The following AUTS2 variants were observed in gnomAD, a reference collection of about 807,000 sequenced individuals.
AUTS2 encodes autism susceptibility gene 2 protein.
A neutral mutation model predicts 112.4 loss-of-function variants in AUTS2; 17 were observed. That is an observed-to-expected ratio of 0.15 (90% CI 0.10 to 0.23). The LOEUF is 0.23. Among genes scored for constraint, AUTS2 ranks in the 10% least tolerant of loss-of-function variants. The pLI is 1.00. For synonymous variants in AUTS2, 751 were observed against 702.7 expected (o/e 1.07, Z -1.09); for missense variants, 1,510 against 1,701.6 (o/e 0.89, Z 1.98).
At chr7:69,758,640 C>A (rs1297389522) in intron 1 of AUTS2, among the ~76,000 whole-genome samples, 5 of 152,188 alleles carry the variant, frequency 3.3e-5, no homozygotes, top group African/African-American at 1.2e-4. Context: ...TAGAAAAGCT[C>A]ATTGACACAT....
intron 2 of AUTS2, among the ~76,000 whole-genome samples, chr7:70,020,125 G>T (rs767466361): frequency 6.6e-6 from 1 of 152,164 alleles, no homozygotes; most frequent in African/African-American, 2.4e-5. Context: ...TAGGGACACG[G>T]TGCACACCTG....
intron 2 of AUTS2, among the ~76,000 whole-genome samples, chr7:70,001,868 G>A (rs141869855): frequency 0.013 from 2,050 of 151,886 alleles, 19 homozygotes; most frequent in Non-Finnish European, 0.023. Context: ...GCACCACCAC[G>A]CCTGGCTAAT....
chr7:70,196,149 A>G (rs1353338143), intron 4 of AUTS2, among the ~76,000 whole-genome samples: 3 of 152,104 alleles, frequency 2.0e-5, no homozygotes, highest in Non-Finnish European at 4.4e-5. Flanking sequence ...CTGTTTGGGG[A>G]AAAAGTATCA....
intron 1 of AUTS2, among the ~76,000 whole-genome samples, chr7:69,619,905 T>A (rs1453314285): frequency 6.6e-6 from 1 of 152,182 alleles, no homozygotes; most frequent in African/African-American, 2.4e-5. Flanking sequence ...GTAACTGTAA[T>A]CCTCCTTTAG....
At chr7:70,232,729 T>G (rs1297164523) in intron 4 of AUTS2, among the ~76,000 whole-genome samples, 2 of 152,186 alleles carry the variant, frequency 1.3e-5, no homozygotes, top group African/African-American at 4.8e-5. Context: ...TTTTTCCTTA[T>G]CTCTGTCATT....
intron 1 of AUTS2, among the ~76,000 whole-genome samples, chr7:69,709,618 G>A (rs531643565): frequency 6.6e-6 from 1 of 152,178 alleles, no homozygotes; most frequent in Non-Finnish European, 1.5e-5. Context: ...ACCCGTCTGA[G>A]TGCACACTTG....
rs1791852282 is a variant in AUTS2, at chr7:70,790,512, A to T, written c.3296A>T (p.Asp1099Val). ...PLGRDFLLRN[D>V]PLHRLSTPRL... ...GGCAGGGACTTCCTGCTAAGGAACG[A>T]CCCGCTCCACCGGCTCTCGACTCCC... Residue 1099 changes from aspartate to valine, a missense_variant, in exon 19 of 19, where the codon GAC becomes GTC. By Grantham distance (152) the Asp-to-Val change is radical. Coordinates refer to ENST00000342771, the MANE Select transcript of AUTS2 (RefSeq NM_015570.4). The surrounding 1 kb of genome is among the most constrained non-coding windows in gnomAD (Gnocchi z 7.6). 1.2e-6 allele frequency: 2 copies of T among 1,611,028 alleles called. No individual in the cohort carries two copies. The highest frequency in any genetic ancestry group is 8.5e-7 in the Non-Finnish European group (1 of 1,179,164).
chr7:69,916,470 C>T (rs1451326055), intron 2 of AUTS2, among the ~76,000 whole-genome samples: 1 of 152,142 alleles, frequency 6.6e-6, no homozygotes, highest in Non-Finnish European at 1.5e-5. Flanking sequence ...CCAGACCTTT[C>T]TTCTCAACTT....
intron 5 of AUTS2, among the ~76,000 whole-genome samples, chr7:70,697,568 C>CA (rs1038578703): frequency 7.0e-6 from 1 of 142,682 alleles, no homozygotes; most frequent in Non-Finnish European, 1.5e-5. Context: ...ATTCCCCCCC[C>CA]CCATTTCCTA....
intron 5 of AUTS2, among the ~76,000 whole-genome samples, chr7:70,526,277 C>G (rs1464276096): frequency 6.6e-6 from 1 of 152,184 alleles, no homozygotes; most frequent in Non-Finnish European, 1.5e-5. Context: ...TCACTGTTGC[C>G]TAAGACACCG....
chr7:70,209,448 C>T (rs1045975061), intron 4 of AUTS2, among the ~76,000 whole-genome samples: 5 of 152,052 alleles, frequency 3.3e-5, no homozygotes, highest in East Asian at 1.9e-4. Flanking sequence ...AAATGTCCAG[C>T]GTGGAGGTAT....
chr7:70,628,857 G>A (rs892225372), intron 5 of AUTS2, among the ~76,000 whole-genome samples: 13 of 152,234 alleles, frequency 8.5e-5, no homozygotes, highest in South Asian at 4.2e-4. Flanking sequence ...TTTCTGAACC[G>A]GGCAGCTGGG....
At chr7:70,745,862 C>T (rs1366212890) in intron 6 of AUTS2, among the ~76,000 whole-genome samples, 3 of 152,116 alleles carry the variant, frequency 2.0e-5, no homozygotes, top group African/African-American at 7.2e-5. Flanking sequence ...GTATGATGTC[C>T]AATTATGGAA....
At chr7:70,134,273 CAAAT>C (rs747281612) in intron 3 of AUTS2, among the ~76,000 whole-genome samples, 28 of 152,244 alleles carry the variant, frequency 1.8e-4, no homozygotes, top group Non-Finnish European at 3.7e-4. Context: ...AGCTGCCTGT[CAAAT>C]AAATTGGCAA....
intron 5 of AUTS2, 78 bp downstream of exon 5, chr7:70,435,859 G>T: frequency 6.8e-7 from 1 of 1,474,668 alleles, no homozygotes; most frequent in Non-Finnish European, 9.5e-7. Context: ...ACAGCTGCAG[G>T]GTAGGATGCC....
Position 70,631,758 on chromosome 7 carries a change from C to A in AUTS2, c.691-66811C>A, listed in dbSNP as rs1294428206. ...TGGGCCACAGCAAGGGGCTCAGCAGCAAAATATCCTTGAATCAATACTGCT... is the reference window on the plus strand; with the variant it reads ...TGGGCCACAGCAAGGGGCTCAGCAGAAAAATATCCTTGAATCAATACTGCT... On this transcript the variant is annotated intron_variant, in intron 5 of 18. Coordinates refer to ENST00000342771, the MANE Select transcript of AUTS2 (RefSeq NM_015570.4). This position sits in a 1 kb window ranked among gnomAD's most constrained non-coding sequence, Gnocchi z 4.5. Among the ~76,000 whole-genome samples, 1 of 152,126 alleles carries A rather than the reference C, an allele frequency of 6.6e-6. No homozygotes were observed. The highest frequency in any genetic ancestry group is 1.5e-5 in the Non-Finnish European group (1 of 68,012).
intron 1 of AUTS2, among the ~76,000 whole-genome samples, chr7:69,696,260 CCCT>C (rs1384089312): frequency 6.6e-6 from 1 of 152,084 alleles, no homozygotes; most frequent in African/African-American, 2.4e-5. Flanking sequence ...GTTACCTTAC[CCCT>C]CCTCAGGGAA....
At chr7:70,637,516 A>G (rs747499300) in intron 5 of AUTS2, among the ~76,000 whole-genome samples, 5 of 152,230 alleles carry the variant, frequency 3.3e-5, no homozygotes, top group South Asian at 2.1e-4. Context: ...ATTCACTGCA[A>G]TTTTAATAAA....
intron 5 of AUTS2, among the ~76,000 whole-genome samples, chr7:70,541,446 T>G (rs1800550275): frequency 6.6e-6 from 1 of 152,266 alleles, no homozygotes; most frequent in African/African-American, 2.4e-5. Flanking sequence ...ATGTGTGATT[T>G]GTCATTACTG....
Sources: allele counts gnomAD v4.1 joint callset (sites outside exome capture counted in the v4.1 genomes callset), GRCh38; gene constraint gnomAD v4.1.1; non-coding constraint Gnocchi (gnomAD v3.1); transcripts MANE v1.5; gene names NCBI Gene and HGNC (gene_info 2026-07-23, HGNC 2026-07-21).